MAP3K5: variants seen among roughly 807,000 people sequenced by gnomAD.
MAP3K5 encodes the protein mitogen-activated protein kinase kinase kinase 5.
MAP3K5 carries 56 observed loss-of-function variants against 158.7 expected under a neutral mutation model. The observed-to-expected ratio is 0.35, with a 90% CI of 0.28 to 0.44. The LOEUF is 0.44. Ranked by LOEUF, MAP3K5 falls within the 20% of genes least tolerant of loss-of-function variation. The pLI, the probability that MAP3K5 is intolerant of heterozygous loss-of-function variation, is 1.00. For missense variants in MAP3K5, 1,294 were observed against 1,674.8 expected, an observed-to-expected ratio of 0.77 and a Z score of 3.97; for synonymous variants, 579 against 601.7, an observed-to-expected ratio of 0.96 and a Z score of 0.55.
intron 1 of MAP3K5, among the ~76,000 whole-genome samples, chr6:136,772,238 G>C (rs184837462): frequency 6.6e-6 from 1 of 150,590 alleles, no homozygotes; most frequent in African/African-American, 2.5e-5. Flanking sequence ...ATTATTTTGA[G>C]GGGGGGGGAG....
intron 1 of MAP3K5, among the ~76,000 whole-genome samples, chr6:136,721,681 C>T (rs1781751988): frequency 2.0e-5 from 3 of 152,134 alleles, no homozygotes; most frequent in Admixed American, 1.3e-4. Context: ...CTCGAACATG[C>T]TCCAAGTACA....
At chr6:136,704,750 T>G (rs1346300265) in intron 3 of MAP3K5, among the ~76,000 whole-genome samples, 1 of 152,134 alleles carries the variant, frequency 6.6e-6, no homozygotes, top group Non-Finnish European at 1.5e-5. Context: ...TTCACCATGT[T>G]GCCCAGGCTG....
intron 7 of MAP3K5, among the ~76,000 whole-genome samples, chr6:136,682,510 C>T (rs1779978545): frequency 6.6e-6 from 1 of 152,156 alleles, no homozygotes; most frequent in Admixed American, 6.5e-5. Context: ...CTTTATTAGG[C>T]ACACATTACT....
At chr6:136,667,344 G>C (rs531611146) in intron 8 of MAP3K5, among the ~76,000 whole-genome samples, 7 of 152,246 alleles carry the variant, frequency 4.6e-5, no homozygotes, top group Non-Finnish European at 8.8e-5. Flanking sequence ...TTTAGTCTTA[G>C]ACACAAAATT....
chr6:136,780,550 G>A (rs774755022), intron 1 of MAP3K5, among the ~76,000 whole-genome samples: 1 of 152,074 alleles, frequency 6.6e-6, no homozygotes, highest in African/African-American at 2.4e-5. Context: ...TTAGATTGTC[G>A]TAAATTATAG....
At chr6:136,584,941 C>G (rs1775051579) in intron 23 of MAP3K5, among the ~76,000 whole-genome samples, 1 of 152,092 alleles carries the variant, frequency 6.6e-6, no homozygotes, top group Non-Finnish European at 1.5e-5. Context: ...GTGTCAGTTC[C>G]TTGCAACCAA....
At chr6:136,603,849 C>T (rs1775985396) in intron 19 of MAP3K5, among the ~76,000 whole-genome samples, 1 of 152,220 alleles carries the variant, frequency 6.6e-6, no homozygotes, top group Admixed American at 6.5e-5. Flanking sequence ...GAGGTTTGGT[C>T]ACACTACTCA....
chr6:136,755,200 G>A (rs1292462537), intron 1 of MAP3K5, among the ~76,000 whole-genome samples: 1 of 151,780 alleles, frequency 6.6e-6, no homozygotes, highest in Non-Finnish European at 1.5e-5. Flanking sequence ...AGTCTCTAAT[G>A]CCCTGCTTAG....
chr6:136,577,126 G>A (rs947411007), intron 25 of MAP3K5, among the ~76,000 whole-genome samples: 3 of 152,036 alleles, frequency 2.0e-5, no homozygotes, highest in Non-Finnish European at 2.9e-5. Context: ...GTCTTCTTTC[G>A]CATGTCTTCT....
chr6:136,603,339 ATTT>A (rs746959147), intron 19 of MAP3K5, among the ~76,000 whole-genome samples: 1 of 132,932 alleles, frequency 7.5e-6, no homozygotes, highest in Admixed American at 7.5e-5. Flanking sequence ...TGCCCCCCTA[ATTT>A]TTTTTTTTTT....
rs1372862036 is a variant in MAP3K5, at chr6:136,694,254, T to C, written c.1139A>G (p.Gln380Arg). 1 of 1,613,576 alleles carries C rather than the reference T, an allele frequency of 6.2e-7. No homozygotes were observed. The highest frequency in any genetic ancestry group is 8.5e-7 in the Non-Finnish European group (1 of 1,179,940). Residue 380 changes from glutamine (Q) to arginine (R), a missense_variant, in exon 7 of 30, where the codon CAA becomes CGA. By Grantham distance (43) the Gln-to-Arg change is conservative. Around this residue, in one of 5 missense-constraint regions of MAP3K5, gnomAD observed 690 missense variants for 870.5 expected, o/e 0.79. Coordinates refer to ENST00000359015, the MANE Select transcript of MAP3K5 (RefSeq NM_005923.4). ...KALDIMIPMV[Q>R]SEGQVASDMY... ...ATCTGAAGCAACTTGTCCTTCGCTT[T>C]GCACCATGGGAATCATAATATCAAG... is the stretch of plus-strand genomic sequence containing the variant.
chr6:136,660,563 C>T (rs1422416727), intron 8 of MAP3K5, among the ~76,000 whole-genome samples: 1 of 152,074 alleles, frequency 6.6e-6, no homozygotes, highest in East Asian at 1.9e-4. Context: ...CTTAATGTTT[C>T]ATTATATATT....
At chr6:136,697,090 AAG>A in intron 5 of MAP3K5, 127 bp downstream of exon 5, 2 of 615,808 alleles carry the variant, frequency 3.2e-6, no homozygotes, top group Non-Finnish European at 5.3e-6. Context: ...TGGAAAGCTT[AAG>A]AGAGTCAATA....
intron 2 of MAP3K5, among the ~76,000 whole-genome samples, chr6:136,708,549 C>T (rs1484846737): frequency 1.3e-5 from 2 of 152,090 alleles, no homozygotes; most frequent in Non-Finnish European, 2.9e-5. Context: ...AGCCACCGTG[C>T]CTGGCCATTA....
At chr6:136,755,756 T>C (rs1321248970) in intron 1 of MAP3K5, among the ~76,000 whole-genome samples, 1 of 150,700 alleles carries the variant, frequency 6.6e-6, no homozygotes, top group Non-Finnish European at 1.5e-5. Context: ...CCTAGACAAG[T>C]GCCCTCTGCT....
At chr6:136,640,845 TG>T (rs1234947578) in intron 12 of MAP3K5, among the ~76,000 whole-genome samples, 1 of 152,200 alleles carries the variant, frequency 6.6e-6, no homozygotes, top group Non-Finnish European at 1.5e-5. Context: ...ATCTCTTCTT[TG>T]TGGAGGAGGA....
intron 15 of MAP3K5, among the ~76,000 whole-genome samples, chr6:136,620,706 G>T (rs1776760043): frequency 6.6e-6 from 1 of 152,180 alleles, no homozygotes; most frequent in Non-Finnish European, 1.5e-5. Context: ...CTCTCTTTCA[G>T]ACTTTGAATA....
At chr6:136,569,247 T>A (rs1269887927) in intron 25 of MAP3K5, among the ~76,000 whole-genome samples, 1 of 152,212 alleles carries the variant, frequency 6.6e-6, no homozygotes, top group East Asian at 1.9e-4. Context: ...TCCTGCAAAG[T>A]CATCACTTGT....
Position 136,743,266 on chromosome 6 carries a change from C to T in MAP3K5, c.449-22677G>A, listed in dbSNP as rs559336060. 6.6e-5 allele frequency among the ~76,000 whole-genome samples: 10 copies of T among 152,150 alleles called. No homozygotes were observed. In the Middle Eastern group the frequency reaches 0.014, roughly 207 times the overall value. On this transcript the variant is annotated intron_variant, in intron 1 of 29. Coordinates refer to ENST00000359015, the MANE Select transcript of MAP3K5 (RefSeq NM_005923.4). ...GAAATCGAGACCATCCTGGCTAACACGGTGAAACCCCGTGTCTACTAAAAA... is the reference window on the plus strand; with the variant it reads ...GAAATCGAGACCATCCTGGCTAACATGGTGAAACCCCGTGTCTACTAAAAA...
Sources: allele counts gnomAD v4.1 joint callset (sites outside exome capture counted in the v4.1 genomes callset), GRCh38; gene constraint gnomAD v4.1.1; regional missense constraint gnomAD v4.1.1; transcripts MANE v1.5; gene names NCBI Gene and HGNC (gene_info 2026-07-23, HGNC 2026-07-21).